NCKAP5: variants seen among roughly 807,000 people sequenced by gnomAD.
The protein encoded by NCKAP5 is nck-associated protein 5.
A neutral mutation model predicts 167.0 loss-of-function variants in NCKAP5; 92 were observed. The observed-to-expected ratio is 0.55, with a 90% CI of 0.47 to 0.66. NCKAP5 has a LOEUF of 0.66. Ranked by LOEUF, NCKAP5 falls within the 30% of genes least tolerant of loss-of-function variation. The pLI is 0.00. For missense variants in NCKAP5, 2,378 were observed against 2,315.0 expected, an observed-to-expected ratio of 1.03 and a Z score of -0.56; for synonymous variants, 891 against 877.4, an observed-to-expected ratio of 1.02 and a Z score of -0.27.
At chr2:133,129,957 C>A in intron 6 of NCKAP5, 21 bp downstream of exon 6, 1 of 1,575,942 alleles carries the variant, frequency 6.3e-7, no homozygotes, top group Non-Finnish European at 8.6e-7. Flanking sequence ...AGGAAGCAAT[C>A]TGCTCAGCTA....
rs142550775 is a variant in NCKAP5 at position 133,414,809 on chromosome 2, C to T, written c.69+102649G>A. Reference sequence around the variant, plus strand: ...ATGAAGGGTGGAATATTATAGCACACAAACTAATAATACGGAGAAAGCATG... The same window carrying T: ...ATGAAGGGTGGAATATTATAGCACATAAACTAATAATACGGAGAAAGCATG... On this transcript the variant is annotated intron_variant, in intron 3 of 19. Transcript: ENST00000409261. 1.3e-4 allele frequency among the ~76,000 whole-genome samples: 20 copies of T among 152,268 alleles called. No homozygotes were observed. In the East Asian group the frequency reaches 2.5e-3, roughly 19 times the overall value.
At chr2:133,372,640 C>A (rs943398879) in intron 3 of NCKAP5, among the ~76,000 whole-genome samples, 8 of 152,196 alleles carry the variant, frequency 5.3e-5, no homozygotes, top group African/African-American at 1.9e-4. Context: ...CCAAAAGCAC[C>A]TTGGTAATGC....
intron 6 of NCKAP5, among the ~76,000 whole-genome samples, chr2:133,025,858 A>G (rs1255160628): frequency 6.6e-6 from 1 of 152,198 alleles, no homozygotes; most frequent in African/African-American, 2.4e-5. Flanking sequence ...GTACATGTGC[A>G]TCATGTGCAG....
At chr2:133,611,557 G>T in the NCKAP5 span, among the ~76,000 whole-genome samples, 1 of 152,100 alleles carries the variant, frequency 6.6e-6, no homozygotes, top group African/African-American at 2.4e-5. Context: ...TGTCCAGTGG[G>T]GTTTTTGGTC....
chr2:133,368,708 G>A (rs1352207698), intron 3 of NCKAP5, among the ~76,000 whole-genome samples: 2 of 152,148 alleles, frequency 1.3e-5, no homozygotes, highest in Non-Finnish European at 2.9e-5. Flanking sequence ...ATTAAGTTGA[G>A]GAGATAAGAA....
intron 3 of NCKAP5, among the ~76,000 whole-genome samples, chr2:133,368,698 A>AT (rs1685605554): frequency 1.3e-5 from 2 of 152,252 alleles, no homozygotes; most frequent in East Asian, 3.8e-4. Context: ...AGTGCTAATG[A>AT]TTAAGTTGAG....
At chr2:133,331,093 G>A (rs1355198804) in intron 3 of NCKAP5, among the ~76,000 whole-genome samples, 4 of 152,086 alleles carry the variant, frequency 2.6e-5, no homozygotes, top group Non-Finnish European at 5.9e-5. Flanking sequence ...TGTAGTTTTA[G>A]GTAAAAGAAT....
At chr2:133,402,145 A>T (rs1688143028) in intron 3 of NCKAP5, among the ~76,000 whole-genome samples, 1 of 152,176 alleles carries the variant, frequency 6.6e-6, no homozygotes, top group Non-Finnish European at 1.5e-5. Context: ...GGTGGAAAAG[A>T]GGGAAACTGA....
At chr2:133,367,831 C>T (rs1685550042) in intron 3 of NCKAP5, among the ~76,000 whole-genome samples, 1 of 151,906 alleles carries the variant, frequency 6.6e-6, no homozygotes, top group Non-Finnish European at 1.5e-5. Flanking sequence ...CTGAGTTGGG[C>T]CAAATCCTTA....
intron 6 of NCKAP5, among the ~76,000 whole-genome samples, chr2:133,056,469 T>G (rs1018205946): frequency 1.3e-5 from 2 of 152,188 alleles, no homozygotes; most frequent in Non-Finnish European, 2.9e-5. Context: ...AGTCAAGTTT[T>G]TAAAATGCTG....
At position 132,750,030 on chromosome 2, in the gene NCKAP5, G is replaced by T. The variant is rs192835950; in HGVS notation, c.5129-17979C>A. 3.9e-5 allele frequency among the ~76,000 whole-genome samples: 6 copies of T among 152,284 alleles called. No individual in the cohort carries two copies. In the South Asian group the frequency reaches 6.2e-4, roughly 16 times the overall value. ...TACAGATACAGAAACTGACGCAAAGGTTTGTTTAGTTAATAAGCGGCAAAA... is the reference window on the plus strand; with the variant it reads ...TACAGATACAGAAACTGACGCAAAGTTTTGTTTAGTTAATAAGCGGCAAAA... On this transcript the variant is annotated intron_variant, in intron 16 of 19. Coordinates refer to ENST00000409261, the MANE Select transcript of NCKAP5 (RefSeq NM_207363.3).
chr2:133,114,143 G>C (rs2082001544), intron 6 of NCKAP5, among the ~76,000 whole-genome samples: 1 of 152,174 alleles, frequency 6.6e-6, no homozygotes, highest in Non-Finnish European at 1.5e-5. Context: ...TCAGAGTTAG[G>C]TTTAGAAAAT....
At chr2:133,613,064 C>T in the NCKAP5 span, among the ~76,000 whole-genome samples, 1 of 152,106 alleles carries the variant, frequency 6.6e-6, no homozygotes, top group Admixed American at 6.5e-5. Context: ...GCTGAGATAC[C>T]CAGACATTTC....
At chr2:132,844,675 A>G (rs1688538798) in intron 11 of NCKAP5, among the ~76,000 whole-genome samples, 1 of 152,174 alleles carries the variant, frequency 6.6e-6, no homozygotes, top group African/African-American at 2.4e-5. Flanking sequence ...TAGCACGGAT[A>G]CAGCATAGGT....
chr2:132,831,232 T>C (rs1687502719), intron 11 of NCKAP5, among the ~76,000 whole-genome samples: 1 of 152,228 alleles, frequency 6.6e-6, no homozygotes, highest in Non-Finnish European at 1.5e-5. Flanking sequence ...TCTGATTCTT[T>C]GTTGTTATGA....
At chr2:132,753,194 G>A (rs1273663846) in intron 16 of NCKAP5, among the ~76,000 whole-genome samples, 2 of 152,168 alleles carry the variant, frequency 1.3e-5, no homozygotes, top group Non-Finnish European at 2.9e-5. Flanking sequence ...ACACAGCAAT[G>A]ATTAAAGAGC....
intron 3 of NCKAP5, among the ~76,000 whole-genome samples, chr2:133,356,010 C>T (rs146105574): frequency 7.6e-4 from 116 of 152,190 alleles, no homozygotes; most frequent in Non-Finnish European, 1.3e-3. Context: ...TCACCGAAAC[C>T]TCAGCCATAA....
intron 3 of NCKAP5, among the ~76,000 whole-genome samples, chr2:133,461,861 T>C (rs779306409): frequency 5.9e-5 from 9 of 152,148 alleles, no homozygotes; most frequent in Non-Finnish European, 1.0e-4. Flanking sequence ...GAAGATTTCA[T>C]AGGATATGCC....
At chr2:133,656,365 T>C in the NCKAP5 span, among the ~76,000 whole-genome samples, 1 of 152,164 alleles carries the variant, frequency 6.6e-6, no homozygotes, top group Non-Finnish European at 1.5e-5. Context: ...ATTATTATGA[T>C]TTGCTGTTAC....
Sources: allele counts gnomAD v4.1 joint callset (sites outside exome capture counted in the v4.1 genomes callset), GRCh38; gene constraint gnomAD v4.1.1; transcripts MANE v1.5; gene names NCBI Gene and HGNC (gene_info 2026-07-23, HGNC 2026-07-21).